The following VPS13C variants were observed in gnomAD, a reference collection of about 807,000 sequenced individuals.
The protein encoded by VPS13C is vacuolar protein sorting 13 homolog C, also known as intermembrane lipid transfer protein VPS13C.
In VPS13C, 358 loss-of-function variants were observed where a neutral mutation model predicts 456.8. The observed-to-expected ratio is 0.78, with a 90% CI of 0.72 to 0.86. VPS13C has a LOEUF of 0.86. VPS13C is among the 40% of genes least tolerant of loss of function. The probability of loss-of-function intolerance (pLI) is 0.00; values close to 1 mark genes in which losing one functional copy is unlikely to be tolerated. For missense variants in VPS13C, 4,818 were observed against 4,385.4 expected, an observed-to-expected ratio of 1.10 and a Z score of -2.79; for synonymous variants, 1,578 against 1,486.7, an observed-to-expected ratio of 1.06 and a Z score of -1.41.
intron 76 of VPS13C, 129 bp downstream of exon 76, chr15:61,875,603 G>C (rs1895359244): frequency 1.5e-6 from 1 of 665,458 alleles, no homozygotes; most frequent in Non-Finnish European, 2.6e-6. Context: ...ATATAAAATT[G>C]ATATACTTTT....
chr15:62,010,448 TG>T (rs778631352), intron 13 of VPS13C, 23 bp downstream of exon 13: 2 of 1,562,518 alleles, frequency 1.3e-6, no homozygotes, highest in East Asian at 4.7e-5. Flanking sequence ...TAATCAAAGC[TG>T]GAAATATCCA....
chr15:61,918,296 T>C (rs753957934), intron 58 of VPS13C, 39 bp from the exon 59 acceptor site: 20 of 1,491,316 alleles, frequency 1.3e-5, no homozygotes, highest in Middle Eastern at 1.8e-4. Context: ...TTAAAAGATA[T>C]GTAAGTTCGA....
intron 61 of VPS13C, 136 bp downstream of exon 61, chr15:61,915,497 T>TA: frequency 2.1e-6 from 2 of 947,126 alleles, no homozygotes; most frequent in Non-Finnish European, 3.0e-6. Flanking sequence ...TGATTACGCT[T>TA]AAGTCTCCTT....
At chr15:62,007,257 T>C (rs1023514864) in intron 15 of VPS13C, 51 bp downstream of exon 15, 20 of 1,274,688 alleles carry the variant, frequency 1.6e-5, no homozygotes, top group Admixed American at 1.4e-4. Context: ...AGAAGAATAT[T>C]AAAGGATGAT....
intron 1 of VPS13C, among the ~76,000 whole-genome samples, chr15:62,059,002 A>G (rs930846853): frequency 8.5e-5 from 13 of 152,286 alleles, no homozygotes; most frequent in African/African-American, 2.9e-4. Context: ...TGCCCAATAT[A>G]TGTTCCATAT....
At chr15:61,900,397 T>C (rs1443421320) in intron 66 of VPS13C, among the ~76,000 whole-genome samples, 1 of 152,218 alleles carries the variant, frequency 6.6e-6, no homozygotes, top group Admixed American at 6.5e-5. Flanking sequence ...CTTAAGCTGA[T>C]AAGCAACTTC....
intron 5 of VPS13C, among the ~76,000 whole-genome samples, chr15:62,030,828 T>G (rs544416854): frequency 1.6e-4 from 25 of 152,208 alleles, no homozygotes; most frequent in African/African-American, 5.1e-4. Context: ...CTAAAAAATA[T>G]TACTAACTCA....
chr15:61,991,585 C>A, intron 17 of VPS13C, 88 bp downstream of exon 17: 2 of 1,407,198 alleles, frequency 1.4e-6, no homozygotes, highest in South Asian at 3.5e-5. Context: ...AAATGTATTT[C>A]AAAATAAAAT....
chr15:61,962,473 C>G lies in VPS13C; in HGVS notation c.3501G>C (p.Glu1167Asp). The G allele has an allele frequency of 6.2e-7, 1 of 1,611,924 alleles. No individual in the cohort carries two copies. The highest frequency in any genetic ancestry group is 1.1e-5 in the South Asian group (1 of 90,738). ...FNLDLYPDATEGDLYTDMSKV... is the reference protein window; with the variant it reads ...FNLDLYPDATDGDLYTDMSKV... The stretch of plus-strand genomic sequence containing the variant: ...TGGACATGTCAGTATACAAATCCCC[C>G]TCAGTAGCATCTGGATACAAATCCA... Residue 1167 changes from glutamate (E) to aspartate (D), a missense_variant, in exon 34 of 85, where the codon GAG becomes GAC. Transcript: ENST00000644861.
chr15:61,983,081 A>G (rs2045935129), intron 20 of VPS13C, among the ~76,000 whole-genome samples: 1 of 152,218 alleles, frequency 6.6e-6, no homozygotes, highest in Non-Finnish European at 1.5e-5. Flanking sequence ...TAAACTTAAA[A>G]ACAGTTAAGA....
At chr15:61,860,365 CAT>C (rs1233759141) in intron 82 of VPS13C, among the ~76,000 whole-genome samples, 1 of 152,068 alleles carries the variant, frequency 6.6e-6, no homozygotes, top group Non-Finnish European at 1.5e-5. Context: ...AGAACACTTT[CAT>C]ATATTGTTGA....
At chr15:61,960,724 C>T (rs1050607022) in intron 35 of VPS13C, among the ~76,000 whole-genome samples, 10 of 152,116 alleles carry the variant, frequency 6.6e-5, no homozygotes, top group Non-Finnish European at 1.0e-4. Context: ...ATTCACAGTA[C>T]TATTTTTTTC....
At chr15:62,026,666 CA>C (rs2047651640) in intron 6 of VPS13C, among the ~76,000 whole-genome samples, 1 of 152,060 alleles carries the variant, frequency 6.6e-6, no homozygotes. Context: ...CAAACATCTG[CA>C]CAAGTAATTT....
intron 66 of VPS13C, among the ~76,000 whole-genome samples, chr15:61,904,925 A>C (rs1268543490): frequency 2.0e-5 from 3 of 151,930 alleles, no homozygotes; most frequent in African/African-American, 7.2e-5. Flanking sequence ...TGGGAGCTAA[A>C]AAAAAAAAGT....
At chr15:61,876,616 C>T (rs1895444547) in intron 75 of VPS13C, among the ~76,000 whole-genome samples, 1 of 151,886 alleles carries the variant, frequency 6.6e-6, no homozygotes, top group Non-Finnish European at 1.5e-5. Context: ...CACAGAGTAA[C>T]TGAGGCACAG....
Position 62,037,280 on chromosome 15 carries a change from T to TATAA in VPS13C, c.188-2229_188-2228insTTAT, listed in dbSNP as rs1567136662. Among the ~76,000 whole-genome samples the TATAA allele has an allele frequency of 8.9e-4, 30 of 33,668 alleles. 1 individual carries two copies. Among genetic ancestry groups the TATAA allele is most frequent in the African/African-American group, 3.7e-3 (26 of 7,026 alleles). The allele number at this position is 33,668 out of a possible 152,430, so 22.1% of individuals were successfully genotyped here. ...ATATATATTATATTATATAATATAT[T>TATAA]ATATATATTATATTATATAATATAT... On this transcript the variant is annotated intron_variant, in intron 3 of 84. Transcript: ENST00000644861.
intron 22 of VPS13C, among the ~76,000 whole-genome samples, chr15:61,980,563 C>G (rs2045850915): frequency 6.6e-6 from 1 of 152,094 alleles, no homozygotes; most frequent in African/African-American, 2.4e-5. Context: ...ATAAGATTTC[C>G]TATGAGAAAT....
intron 6 of VPS13C, among the ~76,000 whole-genome samples, chr15:62,027,691 C>G (rs1160892967): frequency 6.6e-6 from 1 of 151,978 alleles, no homozygotes; most frequent in Non-Finnish European, 1.5e-5. Flanking sequence ...TGATATAAAA[C>G]ATAAAGTTTA....
chr15:62,003,126 T>C (rs373873079), intron 15 of VPS13C, among the ~76,000 whole-genome samples: 1,664 of 151,934 alleles, frequency 0.011, 31 homozygotes, highest in African/African-American at 0.035. Context: ...GCCATTTTCA[T>C]GATATTGATT....
Sources: allele counts gnomAD v4.1 joint callset (sites outside exome capture counted in the v4.1 genomes callset), GRCh38; gene constraint gnomAD v4.1.1; transcripts MANE v1.5; gene names NCBI Gene and HGNC (gene_info 2026-07-23, HGNC 2026-07-21).